Variants in DGKH observed in about 807,000 individuals in gnomAD.
DGKH encodes DAG kinase eta.
Under a neutral mutation model 159.3 loss-of-function variants are expected in DGKH, and 90 were observed. That is an observed-to-expected ratio of 0.57 (90% CI 0.48 to 0.67). The LOEUF (loss-of-function observed/expected upper bound fraction) is 0.67, where lower values mean the gene tolerates loss of function less well. Ranked by LOEUF, DGKH falls within the 30% of genes least tolerant of loss-of-function variation. The pLI, the probability that DGKH is intolerant of heterozygous loss-of-function variation, is 0.00. For synonymous variants in DGKH, 536 were observed against 553.8 expected (o/e 0.97, Z 0.45); for missense variants, 1,181 against 1,506.1 (o/e 0.78, Z 3.57).
intron 7 of DGKH, among the ~76,000 whole-genome samples, chr13:42,161,507 C>T (rs1363592991): frequency 6.8e-6 from 1 of 146,282 alleles, no homozygotes; most frequent in Non-Finnish European, 1.5e-5. Context: ...ATTAGCTGGG[C>T]GTGGTGGTGG....
At chr13:42,078,287 G>A (rs915886860) in intron 1 of DGKH, among the ~76,000 whole-genome samples, 1 of 152,154 alleles carries the variant, frequency 6.6e-6, no homozygotes, top group African/African-American at 2.4e-5. Flanking sequence ...GCTGCCACTG[G>A]ACTGTAAGTG....
At chr13:42,108,189 G>A (rs962014147) in intron 1 of DGKH, among the ~76,000 whole-genome samples, 3 of 152,116 alleles carry the variant, frequency 2.0e-5, no homozygotes, top group Non-Finnish European at 2.9e-5. Flanking sequence ...TTCATAGGGG[G>A]TCATTGTTAT....
intron 25 of DGKH, 108 bp downstream of exon 25, chr13:42,214,720 T>G: frequency 1.0e-6 from 1 of 954,162 alleles, no homozygotes; most frequent in African/African-American, 1.7e-5. Flanking sequence ...TTATGTTGTC[T>G]ATATGAGTCT....
intron 27 of DGKH, 85 bp downstream of exon 27, chr13:42,219,434 G>T: frequency 6.5e-7 from 1 of 1,534,078 alleles, no homozygotes; most frequent in Non-Finnish European, 8.8e-7. Context: ...GAGATATTTA[G>T]GGAAAAATGA....
At chr13:42,190,365 T>G in intron 15 of DGKH, 38 bp from the exon 16 acceptor site, 1 of 1,587,048 alleles carries the variant, frequency 6.3e-7, no homozygotes, top group Non-Finnish European at 8.5e-7. Flanking sequence ...GGCTTTATTT[T>G]CACTTATCCA....
intron 13 of DGKH, among the ~76,000 whole-genome samples, chr13:42,178,602 G>A (rs892614054): frequency 1.2e-4 from 18 of 152,070 alleles, no homozygotes; most frequent in African/African-American, 4.3e-4. Flanking sequence ...CATCACATTA[G>A]AAAAAGGAAA....
At chr13:42,040,376 G>A (rs1034725366) in intron 1 of DGKH, among the ~76,000 whole-genome samples, 3 of 151,974 alleles carry the variant, frequency 2.0e-5, no homozygotes, top group Non-Finnish European at 4.4e-5. Flanking sequence ...CCCCGGGGGA[G>A]GCCGCTCCTT....
intron 1 of DGKH, among the ~76,000 whole-genome samples, chr13:42,125,747 T>A (rs1955157347): frequency 1.3e-5 from 2 of 152,194 alleles, no homozygotes; most frequent in Non-Finnish European, 2.9e-5. Context: ...ATATATTATG[T>A]CTTTATGGTA....
At chr13:42,042,228 T>A (rs1286799561) in intron 1 of DGKH, among the ~76,000 whole-genome samples, 5 of 152,368 alleles carry the variant, frequency 3.3e-5, no homozygotes, top group Admixed American at 2.6e-4. Flanking sequence ...AAATCAAAGA[T>A]CATTGAGAAC....
At chr13:42,148,288 T>C (rs764257110) in intron 3 of DGKH, among the ~76,000 whole-genome samples, 27 of 152,276 alleles carry the variant, frequency 1.8e-4, no homozygotes, top group Non-Finnish European at 3.5e-4. Flanking sequence ...ACTCCATAAA[T>C]GGTAAATCTT....
chr13:42,121,663 T>C (rs1416528392), intron 1 of DGKH, among the ~76,000 whole-genome samples: 1 of 152,218 alleles, frequency 6.6e-6, no homozygotes, highest in Non-Finnish European at 1.5e-5. Flanking sequence ...TCAGGACTCA[T>C]TCCTTCTCAC....
intron 1 of DGKH, among the ~76,000 whole-genome samples, chr13:42,102,274 G>C (rs552750354): frequency 1.3e-5 from 2 of 152,384 alleles, no homozygotes; most frequent in African/African-American, 4.8e-5. Context: ...AGCTACACCT[G>C]CCTGGCTGGC....
intron 29 of DGKH, among the ~76,000 whole-genome samples, chr13:42,225,734 C>T (rs552735360): frequency 3.0e-4 from 44 of 147,528 alleles, no homozygotes; most frequent in Non-Finnish European, 5.5e-4. Flanking sequence ...GATCATGCCA[C>T]TGCACTCCAG....
At position 42,225,399 on chromosome 13, in the gene DGKH, G is replaced by A; in HGVS notation, c.3574-3700G>A. 4 of 1,358,614 alleles carry A rather than the reference G, an allele frequency of 2.9e-6. No homozygotes were observed. The South Asian group carries it at 4.0e-5, about 14-fold the overall frequency. The allele number at this position is 1,358,614 out of a possible 1,614,324, so 84.2% of individuals were successfully genotyped here. On this transcript the variant is annotated intron_variant, in intron 29 of 29. Coordinates refer to ENST00000337343, the MANE Select transcript of DGKH (RefSeq NM_178009.5). ...CTATTTGGAAAGTTGTGTATGTATG[G>A]CTGGAAGGATAACTGAATATCTACA...
intron 1 of DGKH, among the ~76,000 whole-genome samples, chr13:42,111,313 G>T (rs1488821621): frequency 6.6e-6 from 1 of 152,196 alleles, no homozygotes; most frequent in Non-Finnish European, 1.5e-5. Flanking sequence ...AGGCACAGTG[G>T]CTCATGCCTG....
At chr13:42,189,564 A>C (rs1388584736) in intron 15 of DGKH, among the ~76,000 whole-genome samples, 2 of 152,216 alleles carry the variant, frequency 1.3e-5, no homozygotes, top group Non-Finnish European at 2.9e-5. Flanking sequence ...CTAAAATACA[A>C]AACTAGTTTA....
chr13:42,158,599 G>A (rs956637957), intron 5 of DGKH, among the ~76,000 whole-genome samples: 10 of 151,772 alleles, frequency 6.6e-5, no homozygotes, highest in Non-Finnish European at 1.5e-4. Flanking sequence ...GGGAGATTTA[G>A]TGAAGCCTGT....
chr13:42,129,536 T>A lies in DGKH; in HGVS notation c.304-16T>A, dbSNP rs773580567. 1 of 1,601,840 alleles carries A rather than the reference T, an allele frequency of 6.2e-7. No homozygotes were observed. The highest frequency in any genetic ancestry group is 1.3e-5 in the African/African-American group (1 of 74,910). ...GTTTTCTTCTAATGTCTTTGTATGT[T>A]TTTTTTCATTAACAGTCTCTGATAT... On this transcript the variant is annotated splice_polypyrimidine_tract_variant and intron_variant, in intron 2 of 29. Transcript: ENST00000337343.
At chr13:42,247,659 G>GT (rs1454310715), downstream of DGKH, among the ~76,000 whole-genome samples, 1 of 152,232 alleles carries the variant, frequency 6.6e-6, no homozygotes, top group Non-Finnish European at 1.5e-5. Context: ...CTTCATGCAT[G>GT]TTTTTGTTCT....
Sources: allele counts gnomAD v4.1 joint callset (sites outside exome capture counted in the v4.1 genomes callset), GRCh38; gene constraint gnomAD v4.1.1; transcripts MANE v1.5; gene names NCBI Gene and HGNC (gene_info 2026-07-23, HGNC 2026-07-21).